FOXO1: variants seen among roughly 807,000 people sequenced by gnomAD.
FOXO1 encodes the protein forkhead box protein O1.
A neutral mutation model predicts 44.1 loss-of-function variants in FOXO1; 6 were observed. The ratio of observed to expected loss-of-function variants is 0.14; its 90% CI spans 0.07 to 0.27. The LOEUF (loss-of-function observed/expected upper bound fraction) is 0.27. FOXO1 is among the 10% of genes least tolerant of loss of function. The probability of loss-of-function intolerance (pLI) is 1.00; values close to 1 mark genes in which losing one functional copy is unlikely to be tolerated. For synonymous variants in FOXO1, 380 were observed against 362.7 expected, an observed-to-expected ratio of 1.05 and a Z score of -0.54; for missense variants, 737 against 888.8, an observed-to-expected ratio of 0.83 and a Z score of 2.17.
chr13:40,665,195 TC>T lies in FOXO1; in HGVS notation c.630+387del, dbSNP rs1334709256. 2.0e-5 allele frequency among the ~76,000 whole-genome samples: 3 copies of T among 150,738 alleles called. 1 individual carries two copies. The highest frequency in any genetic ancestry group is 4.4e-5 in the Non-Finnish European group (3 of 67,646). Reference sequence around the variant, plus strand: ...CGGCGCGGCCGGAGAGAACCCGCCCTCCCCCCGCGGAGGTCCGGGAGGGAAG... The same window carrying T: ...CGGCGCGGCCGGAGAGAACCCGCCCTCCCCCGCGGAGGTCCGGGAGGGAAG... On this transcript the variant is annotated intron_variant, in intron 1 of 2. Transcript: ENST00000379561.
At chr13:40,641,028 C>T (rs1877333402) in intron 1 of FOXO1, among the ~76,000 whole-genome samples, 1 of 152,184 alleles carries the variant, frequency 6.6e-6, no homozygotes, top group South Asian at 2.1e-4. Context: ...AAGTGATCCA[C>T]CCGCCTTGGC....
At chr13:40,585,343 G>GCGCACACACACACA (rs10623475) in intron 1 of FOXO1, among the ~76,000 whole-genome samples, 34 of 147,130 alleles carry the variant, frequency 2.3e-4, no homozygotes, top group South Asian at 1.5e-3. Flanking sequence ...CTGCGCGCGC[G>GCGCACACACACACA]CACACACACA....
chr13:40,616,627 T>A (rs569356253), intron 1 of FOXO1, among the ~76,000 whole-genome samples: 3 of 152,298 alleles, frequency 2.0e-5, no homozygotes, highest in African/African-American at 7.2e-5. Context: ...GGGATTTTAT[T>A]TATTGCTGGA....
At chr13:40,563,618 T>G (rs1874135866) in intron 1 of FOXO1, among the ~76,000 whole-genome samples, 1 of 152,026 alleles carries the variant, frequency 6.6e-6, no homozygotes, top group Non-Finnish European at 1.5e-5. Context: ...ACACCCAAGA[T>G]CTACCCTCAC....
At chr13:40,632,637 C>CA (rs1877004196) in intron 1 of FOXO1, among the ~76,000 whole-genome samples, 1 of 149,672 alleles carries the variant, frequency 6.7e-6, no homozygotes, top group African/African-American at 2.5e-5. Context: ...GACTCCATTT[C>CA]AAAAAAAGAA....
chr13:40,564,120 AG>A (rs1293447769), intron 1 of FOXO1, among the ~76,000 whole-genome samples: 10 of 152,086 alleles, frequency 6.6e-5, no homozygotes, highest in Non-Finnish European at 1.3e-4. Context: ...ACTTGGGGAG[AG>A]GGGGTGAAGC....
At position 40,558,928 on chromosome 13, in the gene FOXO1, T is replaced by TC; in HGVS notation, c.*120_*121insG. On this transcript the variant is annotated 3_prime_UTR_variant, in exon 3 of 3. Coordinates refer to ENST00000379561, the MANE Select transcript of FOXO1 (RefSeq NM_002015.4). ...GAAAAAAGGAGGGTTTTTTTTTTTG[T>TC]TTTTTTTTTTAACCAAGAAAACTAA... 1 of 257,174 alleles carries TC rather than the reference T, an allele frequency of 3.9e-6. No individual in the cohort carries two copies. The highest frequency in any genetic ancestry group is 6.3e-6 in the Non-Finnish European group (1 of 159,964). The allele number at this position is 257,174 out of a possible 1,614,324, so 15.9% of individuals were successfully genotyped here.
intron 1 of FOXO1, among the ~76,000 whole-genome samples, chr13:40,632,244 C>G (rs1876990617): frequency 6.6e-6 from 1 of 152,244 alleles, no homozygotes. Context: ...GCACTCCAGC[C>G]TGGGTGACAC....
chr13:40,631,062 A>T (rs1876946283), intron 1 of FOXO1, among the ~76,000 whole-genome samples: 1 of 152,230 alleles, frequency 6.6e-6, no homozygotes. Flanking sequence ...AGGAAAAATG[A>T]AATGGATATA....
At chr13:40,597,802 G>A (rs1875638345) in intron 1 of FOXO1, among the ~76,000 whole-genome samples, 1 of 152,144 alleles carries the variant, frequency 6.6e-6, no homozygotes, top group Admixed American at 6.6e-5. Context: ...CCAGCTCAAA[G>A]GGCCTTTTCA....
chr13:40,568,552 C>G (rs904482150), intron 1 of FOXO1, among the ~76,000 whole-genome samples: 6 of 152,154 alleles, frequency 3.9e-5, no homozygotes, highest in Non-Finnish European at 4.4e-5. Flanking sequence ...TTTTGCCAAC[C>G]CTTTTTTTAC....
At chr13:40,653,370 C>T (rs1877748502) in intron 1 of FOXO1, among the ~76,000 whole-genome samples, 1 of 152,140 alleles carries the variant, frequency 6.6e-6, no homozygotes, top group African/African-American at 2.4e-5. Context: ...CTGGGGATTC[C>T]TCACTCAAAG....
At chr13:40,564,962 C>T (rs532512733) in intron 1 of FOXO1, among the ~76,000 whole-genome samples, 1 of 150,770 alleles carries the variant, frequency 6.6e-6, no homozygotes, top group East Asian at 1.9e-4. Flanking sequence ...GGAACCCCGA[C>T]ATGGTGTAGT....
At chr13:40,582,023 A>G (rs1423918692) in intron 1 of FOXO1, among the ~76,000 whole-genome samples, 1 of 152,214 alleles carries the variant, frequency 6.6e-6, no homozygotes, top group Non-Finnish European at 1.5e-5. Flanking sequence ...GAGAGGTAGA[A>G]TATGGGTACT....
chr13:40,590,500 A>C (rs1875328177), intron 1 of FOXO1, among the ~76,000 whole-genome samples: 1 of 152,228 alleles, frequency 6.6e-6, no homozygotes, highest in African/African-American at 2.4e-5. Flanking sequence ...TGTTCCATCA[A>C]GTGGAACAAG....
At chr13:40,665,474 AC>A (rs1877695056) in intron 1 of FOXO1, 108 bp downstream of exon 1, 2 of 987,314 alleles carry the variant, frequency 2.0e-6, no homozygotes, top group African/African-American at 3.4e-5. Flanking sequence ...CCTCCTGGGA[AC>A]GCGCTGCCCT....
At chr13:40,598,452 C>T (rs1473494743) in intron 1 of FOXO1, among the ~76,000 whole-genome samples, 5 of 151,846 alleles carry the variant, frequency 3.3e-5, no homozygotes, top group Non-Finnish European at 4.4e-5. Context: ...CAAAAACAAA[C>T]GAATGAACAA....
intron 1 of FOXO1, among the ~76,000 whole-genome samples, chr13:40,563,301 T>TA (rs1186718627): frequency 6.6e-6 from 1 of 152,024 alleles, no homozygotes; most frequent in Non-Finnish European, 1.5e-5. Flanking sequence ...CTTCTCTCAT[T>TA]AAAAGGTGGT....
At chr13:40,567,958 A>G (rs1287053057) in intron 1 of FOXO1, among the ~76,000 whole-genome samples, 2 of 149,670 alleles carry the variant, frequency 1.3e-5, no homozygotes, top group African/African-American at 4.9e-5. Context: ...ACAGAGCAAG[A>G]CTCCGTCTTA....
Sources: allele counts gnomAD v4.1 joint callset (sites outside exome capture counted in the v4.1 genomes callset), GRCh38; gene constraint gnomAD v4.1.1; transcripts MANE v1.5; gene names NCBI Gene and HGNC (gene_info 2026-07-23, HGNC 2026-07-21).